Variants in DDO observed in about 807,000 individuals in gnomAD.
DDO encodes D-aspartate oxidase.
A neutral mutation model predicts 16.8 loss-of-function variants in DDO; 16 were observed. The observed-to-expected ratio is 0.95, with a 90% CI of 0.65 to 1.45. The LOEUF (loss-of-function observed/expected upper bound fraction) is 1.45. Among genes scored for constraint, DDO ranks in the 40% most tolerant of loss-of-function variants. DDO has a pLI of 0.00. For synonymous variants in DDO, 180 were observed against 167.2 expected (o/e 1.08, Z -0.59); for missense variants, 429 against 420.3 (o/e 1.02, Z -0.18).
At chr6:110,394,773 T>C (rs1262456544) in intron 4 of DDO, among the ~76,000 whole-genome samples, 1 of 152,244 alleles carries the variant, frequency 6.6e-6, no homozygotes, top group Non-Finnish European at 1.5e-5. Flanking sequence ...CAAATCTCAG[T>C]TTCCTCATCT....
At chr6:110,414,979 A>T (rs750484373) in intron 1 of DDO, among the ~76,000 whole-genome samples, 3 of 152,228 alleles carry the variant, frequency 2.0e-5, no homozygotes, top group African/African-American at 7.2e-5. Flanking sequence ...TTCTCGCACT[A>T]TGAGACTTTA....
At chr6:110,399,093 G>A (rs2114816993) in intron 4 of DDO, among the ~76,000 whole-genome samples, 1 of 152,274 alleles carries the variant, frequency 6.6e-6, no homozygotes, top group Non-Finnish European at 1.5e-5. Context: ...AACTCCACTG[G>A]CAGAATATGA....
At chr6:110,405,365 T>C (rs1334247729) in intron 3 of DDO, among the ~76,000 whole-genome samples, 1 of 152,230 alleles carries the variant, frequency 6.6e-6, no homozygotes, top group East Asian at 1.9e-4. Context: ...TTAGTTTCTA[T>C]AAACACAAAG....
intron 2 of DDO, 135 bp from the exon 3 acceptor site, chr6:110,408,577 A>T: frequency 1.4e-6 from 1 of 703,892 alleles, no homozygotes; most frequent in Non-Finnish European, 2.3e-6. Context: ...AGGGAGGAAC[A>T]TTAATATAAA....
At chr6:110,409,884 A>G (rs1449500681) in intron 2 of DDO, among the ~76,000 whole-genome samples, 1 of 152,244 alleles carries the variant, frequency 6.6e-6, no homozygotes, top group Non-Finnish European at 1.5e-5. Context: ...CAAAGAACAG[A>G]CAATTCCCAT....
intron 2 of DDO, among the ~76,000 whole-genome samples, chr6:110,412,003 A>G (rs1163366506): frequency 6.6e-6 from 1 of 152,198 alleles, no homozygotes; most frequent in Non-Finnish European, 1.5e-5. Context: ...GGTGTGAGCC[A>G]CCATGCCCCA....
At chr6:110,400,046 C>T (rs1266405809) in intron 4 of DDO, among the ~76,000 whole-genome samples, 2 of 152,168 alleles carry the variant, frequency 1.3e-5, no homozygotes, top group African/African-American at 4.8e-5. Flanking sequence ...TCCTCGCAGC[C>T]CCAAGCCCCC....
At chr6:110,413,558 T>C in intron 1 of DDO, 92 bp from the exon 2 acceptor site, 1 of 1,302,512 alleles carries the variant, frequency 7.7e-7, no homozygotes, top group South Asian at 1.4e-5. Context: ...CCTTAGGTCT[T>C]CAGCCACTCA....
At chr6:110,401,695 T>G (rs1378683413) in intron 4 of DDO, among the ~76,000 whole-genome samples, 1 of 152,204 alleles carries the variant, frequency 6.6e-6, no homozygotes, top group African/African-American at 2.4e-5. Context: ...AGTTATAAAA[T>G]GATCACTTGG....
intron 4 of DDO, among the ~76,000 whole-genome samples, chr6:110,400,721 C>T (rs548005163): frequency 2.6e-5 from 4 of 152,356 alleles, no homozygotes; most frequent in Admixed American, 1.3e-4. Flanking sequence ...AGCTTGGGCC[C>T]GAGAAAGTTT....
intron 4 of DDO, among the ~76,000 whole-genome samples, chr6:110,401,020 C>T (rs557552833): frequency 1.3e-5 from 2 of 152,334 alleles, no homozygotes; most frequent in Admixed American, 1.3e-4. Context: ...GTCTTCCTCC[C>T]GGGGGCAGAC....
intron 3 of DDO, among the ~76,000 whole-genome samples, chr6:110,407,459 A>G (rs1288302246): frequency 1.3e-5 from 2 of 152,156 alleles, no homozygotes; most frequent in Admixed American, 6.5e-5. Context: ...GTAGAAATTC[A>G]CCCAATGCAA....
intron 4 of DDO, among the ~76,000 whole-genome samples, chr6:110,394,554 A>G (rs1361833653): frequency 6.6e-6 from 1 of 152,250 alleles, no homozygotes; most frequent in African/African-American, 2.4e-5. Context: ...GAATGCTTGC[A>G]TGCGGGGCAC....
At chr6:110,402,908 A>T (rs754378629) in intron 4 of DDO, among the ~76,000 whole-genome samples, 7 of 152,128 alleles carry the variant, frequency 4.6e-5, no homozygotes, top group Non-Finnish European at 1.0e-4. Context: ...CCTCTCCGTG[A>T]TCTGCTGGAG....
At chr6:110,412,350 G>A (rs1260365078) in intron 2 of DDO, among the ~76,000 whole-genome samples, 1 of 152,056 alleles carries the variant, frequency 6.6e-6, no homozygotes. Flanking sequence ...TTCTTATACA[G>A]GCTTAGAAGT....
intron 2 of DDO, among the ~76,000 whole-genome samples, chr6:110,411,875 G>T (rs1354682553): frequency 6.7e-6 from 1 of 149,556 alleles, no homozygotes; most frequent in Admixed American, 6.8e-5. Flanking sequence ...GCGTGATTTT[G>T]GTTTCTATTT....
chr6:110,412,517 C>T (rs1773893312), intron 2 of DDO, among the ~76,000 whole-genome samples: 1 of 152,188 alleles, frequency 6.6e-6, no homozygotes, highest in Non-Finnish European at 1.5e-5. Flanking sequence ...CACTTTCTGG[C>T]CTCCTGCTGA....
intron 2 of DDO, among the ~76,000 whole-genome samples, chr6:110,411,517 T>C (rs920262981): frequency 7.9e-5 from 12 of 152,194 alleles, no homozygotes; most frequent in Non-Finnish European, 8.8e-5. Flanking sequence ...TAAGATGTTA[T>C]AACAAATGAA....
chr6:110,408,252 C>A (rs1171083383), intron 3 of DDO, 82 bp downstream of exon 3: 1 of 1,315,472 alleles, frequency 7.6e-7, no homozygotes, highest in Non-Finnish European at 1.1e-6. Flanking sequence ...ACAACAGCTA[C>A]TCAGTAAATA....
Sources: gnomAD v4.1 joint callset for allele counts (sites outside exome capture counted in the v4.1 genomes callset) on GRCh38, gnomAD v4.1.1 for gene constraint, MANE v1.5 for transcripts, NCBI Gene and HGNC (gene_info 2026-07-23, HGNC 2026-07-21) for gene names.